Variants in SH3GL3 observed in about 807,000 individuals in gnomAD.
SH3GL3 encodes endophilin-A3.
In SH3GL3, 33 loss-of-function variants were observed where a neutral mutation model predicts 47.7. The ratio of observed to expected loss-of-function variants is 0.69; its 90% confidence interval spans 0.52 to 0.92. SH3GL3 has a LOEUF of 0.92. Ranked by LOEUF, SH3GL3 falls within the 40% of genes least tolerant of loss-of-function variation. The pLI, the probability that SH3GL3 is intolerant of heterozygous loss-of-function variation, is 0.00. For synonymous variants in SH3GL3, 155 were observed against 148.8 expected (o/e 1.04, Z -0.30); for missense variants, 363 against 417.8 (o/e 0.87, Z 1.14).
At chr15:83,558,484 C>CGTGT (rs567095440) in intron 1 of SH3GL3, among the ~76,000 whole-genome samples, 1 of 72,698 alleles carries the variant, frequency 1.4e-5, no homozygotes, top group East Asian at 2.3e-4. Flanking sequence ...TTGTTACAAC[C>CGTGT]GTGTGTGTGT....
At chr15:83,457,020 C>T (rs2040023419) in intron 1 of SH3GL3, among the ~76,000 whole-genome samples, 3 of 152,174 alleles carry the variant, frequency 2.0e-5, no homozygotes, top group Admixed American at 2.0e-4. Context: ...ATATAGCTTA[C>T]AATATTTACA....
intron 8 of SH3GL3, among the ~76,000 whole-genome samples, chr15:83,589,919 A>G (rs1269929929): frequency 6.6e-6 from 1 of 152,212 alleles, no homozygotes; most frequent in Non-Finnish European, 1.5e-5. Context: ...CTATTAAAGC[A>G]TGAACACCTG....
intron 1 of SH3GL3, chr15:83,490,685 G>C: frequency 7.6e-7 from 1 of 1,320,418 alleles, no homozygotes; most frequent in Non-Finnish European, 1.0e-6. Context: ...CTGCACATCA[G>C]GGAAAACAGA....
chr15:83,558,167 T>G (rs1266073513), intron 1 of SH3GL3, among the ~76,000 whole-genome samples: 1 of 152,150 alleles, frequency 6.6e-6, no homozygotes, highest in African/African-American at 2.4e-5. Context: ...AGAAAATGAT[T>G]GAACTTATTT....
At chr15:83,493,427 C>T (rs988614135) in intron 1 of SH3GL3, among the ~76,000 whole-genome samples, 1 of 152,214 alleles carries the variant, frequency 6.6e-6, no homozygotes, top group African/African-American at 2.4e-5. Context: ...TCTCCCTCCT[C>T]TGAGGCAAAA....
chr15:83,473,766 C>T (rs925763231), intron 1 of SH3GL3, among the ~76,000 whole-genome samples: 30 of 151,592 alleles, frequency 2.0e-4, no homozygotes, highest in African/African-American at 5.1e-4. Context: ...CCAGGATGGT[C>T]TCGATCTCCT....
intron 1 of SH3GL3, among the ~76,000 whole-genome samples, chr15:83,544,420 A>G (rs1357056799): frequency 6.6e-6 from 1 of 152,082 alleles, no homozygotes; most frequent in African/African-American, 2.4e-5. Flanking sequence ...AAGAATGTGT[A>G]TTCTGCAGCT....
At position 83,458,342 on chromosome 15, in the gene SH3GL3, A is replaced by G. The variant is rs191173562; in HGVS notation, c.45+10764A>G. 2.6e-5 allele frequency among the ~76,000 whole-genome samples: 4 copies of G among 152,160 alleles called. No individual in the cohort carries two copies. In the South Asian group the frequency reaches 6.2e-4, roughly 24 times the overall value. ...CTTCCCAATTTCCAGGGTCATCCCA[A>G]TGTTTTTACCACACACAGCACCAGC... On this transcript the variant is annotated intron_variant, in intron 1 of 8. Transcript: ENST00000427482.
chr15:83,484,634 A>C (rs1001693484), intron 1 of SH3GL3, among the ~76,000 whole-genome samples: 5 of 151,902 alleles, frequency 3.3e-5, no homozygotes, highest in African/African-American at 1.2e-4. Flanking sequence ...GACATTTGGC[A>C]ATCTAATCTA....
At chr15:83,554,182 C>T (rs2044816984) in intron 1 of SH3GL3, among the ~76,000 whole-genome samples, 1 of 151,748 alleles carries the variant, frequency 6.6e-6, no homozygotes, top group Non-Finnish European at 1.5e-5. Context: ...CACGTGCCAC[C>T]ACATCCAGCT....
In SH3GL3 at chr15:83,466,786, G is replaced by A. The variant is rs117583012; in HGVS notation, c.45+19208G>A. ...ATATGTCATTGTGGTTTTAATTTGC[G>A]TTTCCCTAATTGCTTGTGATGTTGA... On this transcript the variant is annotated intron_variant, in intron 1 of 8. Transcript: ENST00000427482. 6.3e-3 allele frequency among the ~76,000 whole-genome samples: 955 copies of A among 152,210 alleles called. 5 individuals carry two copies. Among genetic ancestry groups the A allele is most frequent in the Admixed American group, 8.9e-3 (136 of 15,282 alleles).
chr15:83,462,684 G>C (rs1434464568), intron 1 of SH3GL3, among the ~76,000 whole-genome samples: 1 of 152,162 alleles, frequency 6.6e-6, no homozygotes, highest in East Asian at 1.9e-4. Context: ...CCTGATGTCT[G>C]TCAAATTTCT....
chr15:83,539,800 T>C (rs2044077931), intron 1 of SH3GL3, among the ~76,000 whole-genome samples: 1 of 152,208 alleles, frequency 6.6e-6, no homozygotes, highest in South Asian at 2.1e-4. Flanking sequence ...GGTTATGTTA[T>C]CTTGTAGATA....
chr15:83,462,971 C>T (rs1209065626), intron 1 of SH3GL3, among the ~76,000 whole-genome samples: 2 of 152,138 alleles, frequency 1.3e-5, no homozygotes, highest in East Asian at 3.9e-4. Flanking sequence ...ACAGGCTGAT[C>T]AATCTTTCTC....
In SH3GL3 at chr15:83,465,046, G is replaced by A. The variant is rs148230529; in HGVS notation, c.45+17468G>A. On this transcript the variant is annotated intron_variant, in intron 1 of 8. Coordinates refer to ENST00000427482, the MANE Select transcript of SH3GL3 (RefSeq NM_003027.5). ...AATAACAGCAATAAAAACAGCTCAT[G>A]TGGGAAAAAAAAAAGAACTTTAGGA... Among the ~76,000 whole-genome samples, 825 of 149,516 alleles carry A rather than the reference G, an allele frequency of 5.5e-3. 1 individual carries two copies. Among genetic ancestry groups the A allele is most frequent in the Middle Eastern group, 0.01 (3 of 292 alleles).
intron 1 of SH3GL3, among the ~76,000 whole-genome samples, chr15:83,475,435 C>T (rs1398764747): frequency 1.3e-5 from 2 of 152,058 alleles, no homozygotes; most frequent in African/African-American, 4.8e-5. Flanking sequence ...GCCAAGATCA[C>T]GCCACTGTAC....
intron 3 of SH3GL3, 187 bp downstream of exon 3, chr15:83,565,393 C>G (rs1266033145): frequency 1.8e-6 from 1 of 552,658 alleles, no homozygotes; most frequent in African/African-American, 2.0e-5. Flanking sequence ...AGAAAGAGAA[C>G]AGCTATTTTT....
At chr15:83,524,327 A>G (rs2043329738) in intron 1 of SH3GL3, among the ~76,000 whole-genome samples, 1 of 152,196 alleles carries the variant, frequency 6.6e-6, no homozygotes, top group African/African-American at 2.4e-5. Flanking sequence ...TTCAAAGTGA[A>G]ATCAAATGGA....
intron 8 of SH3GL3, among the ~76,000 whole-genome samples, chr15:83,595,956 G>C (rs2060227703): frequency 6.6e-6 from 1 of 152,036 alleles, no homozygotes; most frequent in Non-Finnish European, 1.5e-5. Context: ...GTCTCATTGA[G>C]TTTTCTCTGT....
Sources: allele counts gnomAD v4.1 joint callset (sites outside exome capture counted in the v4.1 genomes callset), GRCh38; gene constraint gnomAD v4.1.1; transcripts MANE v1.5; gene names NCBI Gene and HGNC (gene_info 2026-07-23, HGNC 2026-07-21).